The following NCALD variants were observed in gnomAD, a reference collection of about 807,000 sequenced individuals.
The protein encoded by NCALD is neurocalcin delta, also known as neurocalcin-delta.
A neutral mutation model predicts 18.6 loss-of-function variants in NCALD; 10 were observed. The observed-to-expected ratio is 0.54, with a 90% confidence interval of 0.33 to 0.91. NCALD has a LOEUF of 0.91. NCALD is among the 40% of genes least tolerant of loss of function. The pLI is 0.03. For missense variants in NCALD, 184 were observed against 247.6 expected (o/e 0.74, Z 1.72); for synonymous variants, 88 against 87.4 (o/e 1.01, Z -0.04).
intron 4 of NCALD, among the ~76,000 whole-genome samples, chr8:101,859,117 GC>G (rs1310082595): frequency 6.6e-6 from 1 of 152,166 alleles, no homozygotes; most frequent in East Asian, 1.9e-4. Flanking sequence ...TCAGCTGCCA[GC>G]ATGGCTAGAA....
chr8:102,024,392 A>T (rs1822383675), intron 1 of NCALD, among the ~76,000 whole-genome samples: 1 of 152,176 alleles, frequency 6.6e-6, no homozygotes, highest in Non-Finnish European at 1.5e-5. Flanking sequence ...TTCAGAGAGA[A>T]CTTCTTCAAG....
rs59198410 is a variant in NCALD, at chr8:101,997,738, T to C, written c.-157+22499A>G. Among the ~76,000 whole-genome samples the C allele has an allele frequency of 2.6e-5, 4 of 152,344 alleles. No homozygotes were observed. In the East Asian group the frequency reaches 7.7e-4, roughly 29 times the overall value. ...GAGCCTCGCAGCAGAAGTTCTTAAATGATCCTGGGACCAGGTTTGGTTAAA... is the reference window on the plus strand; with the variant it reads ...GAGCCTCGCAGCAGAAGTTCTTAAACGATCCTGGGACCAGGTTTGGTTAAA... On this transcript the variant is annotated intron_variant, in intron 2 of 6. Transcript: ENST00000311028.
intron 2 of NCALD, among the ~76,000 whole-genome samples, chr8:101,983,937 G>C (rs934069865): frequency 2.0e-5 from 3 of 152,186 alleles, no homozygotes; most frequent in African/African-American, 7.2e-5. Context: ...TTCCCAGGGT[G>C]CTTTCGTCAT....
rs190547030 is a variant in NCALD, at chr8:101,988,819, C to T, written c.-157+31418G>A. 2.3e-3 allele frequency among the ~76,000 whole-genome samples: 327 copies of T among 142,926 alleles called. 3 individuals are homozygous for T. Among genetic ancestry groups the T allele is most frequent in the African/African-American group, 8.0e-3 (308 of 38,452 alleles). 93.8% of individuals were successfully genotyped at this position (142,926 alleles called of 152,430 possible). A position where few individuals can be genotyped will look rare whatever the true frequency, so the allele number is the denominator to read the frequency against. On this transcript the variant is annotated intron_variant, in intron 2 of 6. Coordinates refer to the NCALD transcript ENST00000311028. ...TAGACTCTATTTCCCCAGAGAGGTT[C>T]TGTACAGCAAGAAGAGCCCTGTGGG...
chr8:101,714,732 C>T (rs1029213736), intron 2 of NCALD, among the ~76,000 whole-genome samples: 2 of 151,444 alleles, frequency 1.3e-5, no homozygotes, highest in Non-Finnish European at 2.9e-5. Flanking sequence ...CACGGTGGCT[C>T]ACGCCTGTAA....
Position 101,872,271 on chromosome 8 carries a change from T to C in NCALD, c.-20+14870A>G. The C allele has an allele frequency of 2.2e-6, 3 of 1,393,576 alleles. No individual in the cohort carries two copies. In the South Asian group the frequency reaches 3.5e-5, roughly 16 times the overall value. The allele number at this position is 1,393,576 out of a possible 1,614,324, so 86.3% of individuals were successfully genotyped here. A position where few individuals can be genotyped will look rare whatever the true frequency, so the allele number is the denominator to read the frequency against. On this transcript the variant is annotated intron_variant, in intron 4 of 6. Coordinates refer to the NCALD transcript ENST00000311028. ...AATACTTCCCTGAAATCTCCAAAAC[T>C]TCTCCAAATTTATTCTTCAGTTTAA...
intron 3 of NCALD, among the ~76,000 whole-genome samples, chr8:101,896,778 C>A (rs1490290772): frequency 1.6e-5 from 2 of 122,484 alleles, no homozygotes; most frequent in African/African-American, 4.3e-5. Flanking sequence ...CTCATCATCA[C>A]TGGCCATCAG....
chr8:102,059,669 T>A (rs1823771850), intron 1 of NCALD, among the ~76,000 whole-genome samples: 1 of 152,230 alleles, frequency 6.6e-6, no homozygotes, highest in Non-Finnish European at 1.5e-5. Context: ...AGGAAAAGAT[T>A]GAGTATTTAA....
intron 1 of NCALD, among the ~76,000 whole-genome samples, chr8:102,076,619 G>A (rs183126381): frequency 1.5e-3 from 233 of 152,248 alleles, no homozygotes; most frequent in Non-Finnish European, 2.3e-3. Flanking sequence ...ACAGCAAAGA[G>A]GATCTAGGGA....
intron 3 of NCALD, among the ~76,000 whole-genome samples, chr8:101,909,291 T>C (rs1817710492): frequency 6.6e-6 from 1 of 152,352 alleles, no homozygotes; most frequent in Middle Eastern, 3.4e-3. Flanking sequence ...CTCATACTTT[T>C]CAGCACTCCT....
intron 1 of NCALD, among the ~76,000 whole-genome samples, chr8:102,100,005 G>GAAGAAGAAA (rs3085980): frequency 0.52 from 75,921 of 146,318 alleles, 20,643 homozygotes; most frequent in Non-Finnish European, 0.61. Context: ...AGAAGAAGAA[G>GAAGAAGAAA]AAGAAAAAGA....
At chr8:102,020,816 C>T (rs895035645) in intron 1 of NCALD, among the ~76,000 whole-genome samples, 4 of 152,098 alleles carry the variant, frequency 2.6e-5, no homozygotes, top group African/African-American at 4.8e-5. Context: ...ACTTTTCTAG[C>T]CTCATCTCTC....
chr8:102,123,247 G>A (rs1825994329), intron 1 of NCALD, among the ~76,000 whole-genome samples: 2 of 152,130 alleles, frequency 1.3e-5, no homozygotes, highest in Admixed American at 1.3e-4. Flanking sequence ...TGAGACCTTG[G>A]CTGCCTACTT....
chr8:102,021,065 C>T (rs939035800), intron 1 of NCALD, among the ~76,000 whole-genome samples: 8 of 152,268 alleles, frequency 5.3e-5, no homozygotes, highest in Middle Eastern at 3.4e-3. Context: ...ATTAACACTC[C>T]CAAAGAACAC....
chr8:101,889,815 G>A (rs1218393657), intron 3 of NCALD, among the ~76,000 whole-genome samples: 1 of 152,158 alleles, frequency 6.6e-6, no homozygotes, highest in Non-Finnish European at 1.5e-5. Context: ...TTCTCATGAA[G>A]TGTGGAATAA....
chr8:101,825,194 T>C (rs1563803464), intron 4 of NCALD, among the ~76,000 whole-genome samples: 1 of 152,226 alleles, frequency 6.6e-6, no homozygotes, highest in Non-Finnish European at 1.5e-5. Context: ...GTTGTCATCC[T>C]CTGAGCAGAA....
chr8:102,107,192 GTACATATATATATA>G (rs1563623077), intron 1 of NCALD, among the ~76,000 whole-genome samples: 1 of 76,812 alleles, frequency 1.3e-5, no homozygotes. Context: ...ATATATGTGT[GTACATATATATATA>G]TATATATATA....
intron 2 of NCALD, among the ~76,000 whole-genome samples, chr8:101,969,709 T>C (rs1563943088): frequency 6.6e-6 from 1 of 152,238 alleles, no homozygotes; most frequent in South Asian, 2.1e-4. Flanking sequence ...TACCAGATAA[T>C]GGATGACATT....
intron 1 of NCALD, among the ~76,000 whole-genome samples, chr8:102,121,197 T>A (rs1825934759): frequency 6.6e-6 from 1 of 152,218 alleles, no homozygotes; most frequent in Admixed American, 6.5e-5. Context: ...CTATCACATA[T>A]TCTTCTCCGT....
Sources: allele counts gnomAD v4.1 joint callset (sites outside exome capture counted in the v4.1 genomes callset), GRCh38; gene constraint gnomAD v4.1.1; transcripts MANE v1.5; gene names NCBI Gene and HGNC (gene_info 2026-07-23, HGNC 2026-07-21).